Variants in TSHZ2 observed in about 807,000 individuals in gnomAD.
TSHZ2 encodes teashirt zinc finger homeobox 2.
In TSHZ2, 21 loss-of-function variants were observed where a neutral mutation model predicts 74.4. The ratio of observed to expected loss-of-function variants is 0.28; its 90% CI spans 0.20 to 0.41. The LOEUF is 0.41. Ranked by LOEUF, TSHZ2 falls within the 10% of genes least tolerant of loss-of-function variation. The probability of loss-of-function intolerance (pLI) is 1.00; values close to 1 mark genes in which losing one functional copy is unlikely to be tolerated. For synonymous variants in TSHZ2, 540 were observed against 515.3 expected, an observed-to-expected ratio of 1.05 and a Z score of -0.65; for missense variants, 1,244 against 1,293.5, an observed-to-expected ratio of 0.96 and a Z score of 0.59.
At chr20:53,172,024 A>AG (rs1287963736) in intron 1 of TSHZ2, among the ~76,000 whole-genome samples, 3 of 152,206 alleles carry the variant, frequency 2.0e-5, no homozygotes, top group African/African-American at 7.2e-5. Flanking sequence ...GTAACTTACG[A>AG]GGAAAAAAAA....
At chr20:53,394,732 C>G (rs1258456139) in intron 2 of TSHZ2, among the ~76,000 whole-genome samples, 1 of 122,464 alleles carries the variant, frequency 8.2e-6, no homozygotes, top group Non-Finnish European at 1.6e-5. Flanking sequence ...CTCTTGCATT[C>G]AAAGCAAACA....
chr20:53,243,755 G>T (rs1246547092), intron 1 of TSHZ2, among the ~76,000 whole-genome samples: 1 of 151,886 alleles, frequency 6.6e-6, no homozygotes, highest in Admixed American at 6.6e-5. Context: ...CTAAAGTCCA[G>T]CCTGCTTTCT....
intron 1 of TSHZ2, among the ~76,000 whole-genome samples, chr20:53,145,853 A>T (rs1053837274): frequency 6.6e-6 from 1 of 152,202 alleles, no homozygotes; most frequent in Non-Finnish European, 1.5e-5. Context: ...TCTAGCATGG[A>T]TAATTGTGGC....
rs1990439515 is a variant in TSHZ2 at position 53,255,236 on chromosome 20, A to G, written c.1778A>G (p.His593Arg). Residue 593 changes from histidine to arginine, a missense_variant, in exon 2 of 3, where the codon CAC becomes CGC. Transcript: ENST00000371497. This position sits in a 1 kb window ranked among gnomAD's most constrained non-coding sequence, Gnocchi z 4.1. ...KVMPLVSMPT[H>R]LAPYTQVKKE... ...ATGCCACTGGTTTCTATGCCCACAC[A>G]CCTGGCCCCTTACACTCAAGTCAAG... 6.2e-7 allele frequency: 1 copy of G among 1,614,168 alleles called. No homozygotes were observed.
intron 1 of TSHZ2, among the ~76,000 whole-genome samples, chr20:53,039,528 CAAAT>C (rs1393322823): frequency 1.3e-5 from 2 of 152,100 alleles, no homozygotes; most frequent in Non-Finnish European, 2.9e-5. Flanking sequence ...GTGAACAAAA[CAAAT>C]AAAAATCTCT....
intron 2 of TSHZ2, among the ~76,000 whole-genome samples, chr20:53,345,301 G>A (rs955683401): frequency 9.2e-5 from 14 of 152,052 alleles, no homozygotes; most frequent in African/African-American, 3.4e-4. Context: ...TCACAAGGCA[G>A]TCACTGGAAC....
At chr20:53,009,511 T>G (rs2122992921) in intron 1 of TSHZ2, among the ~76,000 whole-genome samples, 1 of 152,312 alleles carries the variant, frequency 6.6e-6, no homozygotes, top group East Asian at 1.9e-4. Flanking sequence ...AATTTAAAAC[T>G]TATGAATTGT....
chr20:53,236,480 A>G (rs1308426053), intron 1 of TSHZ2, among the ~76,000 whole-genome samples: 1 of 152,238 alleles, frequency 6.6e-6, no homozygotes, highest in Admixed American at 6.5e-5. Flanking sequence ...TAGCAGAAAC[A>G]CACGTGCCTC....
chr20:53,294,281 T>C (rs190769088), intron 2 of TSHZ2, among the ~76,000 whole-genome samples: 66 of 152,316 alleles, frequency 4.3e-4, no homozygotes, highest in Non-Finnish European at 7.8e-4. Context: ...AACCTAGCAC[T>C]GTGGTAGACG....
At chr20:52,989,875 T>G (rs1287370781) in intron 1 of TSHZ2, among the ~76,000 whole-genome samples, 1 of 151,872 alleles carries the variant, frequency 6.6e-6, no homozygotes, top group Non-Finnish European at 1.5e-5. Context: ...TTTTTTTAAC[T>G]TTATGTTTGG....
At chr20:53,373,792 AT>A (rs1324617203) in intron 2 of TSHZ2, among the ~76,000 whole-genome samples, 1 of 152,190 alleles carries the variant, frequency 6.6e-6, no homozygotes. Context: ...TAGGGCCAGG[AT>A]CTGAGTGGGC....
intron 1 of TSHZ2, among the ~76,000 whole-genome samples, chr20:52,977,972 C>G (rs1278870813): frequency 6.6e-6 from 1 of 152,102 alleles, no homozygotes; most frequent in South Asian, 2.1e-4. Context: ...TCTTTATCTC[C>G]CAGTTGCCCA....
In TSHZ2 at chr20:53,268,131, G is replaced by A. The variant is rs548902426; in HGVS notation, c.*8+11560G>A. Reference sequence around the variant, plus strand: ...AAGTGTGGATTTGAACTGAAGAATTGCATAAAAAAGGCAGGGGGCGGGCAT... The same window carrying A: ...AAGTGTGGATTTGAACTGAAGAATTACATAAAAAAGGCAGGGGGCGGGCAT... On this transcript the variant is annotated intron_variant, in intron 2 of 2. Transcript: ENST00000371497. Among the ~76,000 whole-genome samples the A allele has an allele frequency of 2.6e-5, 4 of 152,256 alleles. No individual in the cohort carries two copies. The South Asian group carries it at 8.3e-4, about 32-fold the overall frequency.
At chr20:53,101,762 C>G (rs1986224966) in intron 1 of TSHZ2, among the ~76,000 whole-genome samples, 1 of 152,074 alleles carries the variant, frequency 6.6e-6, no homozygotes, top group Non-Finnish European at 1.5e-5. Context: ...ATTTTGGCAA[C>G]ATGAAGGTTC....
intron 1 of TSHZ2, among the ~76,000 whole-genome samples, chr20:53,064,658 T>A (rs1329255083): frequency 7.2e-6 from 1 of 138,066 alleles, no homozygotes; most frequent in Non-Finnish European, 1.5e-5. Flanking sequence ...AATAACTTTT[T>A]AAATAAATAA....
intron 1 of TSHZ2, among the ~76,000 whole-genome samples, chr20:53,034,616 GCTC>G (rs935611150): frequency 1.3e-5 from 2 of 152,198 alleles, no homozygotes; most frequent in African/African-American, 4.8e-5. Context: ...ATCAAGAAAA[GCTC>G]CTTTGAGGAA....
chr20:53,097,599 A>G (rs1378898075), intron 1 of TSHZ2: 1 of 152,240 alleles, frequency 6.6e-6, no homozygotes, highest in African/African-American at 2.4e-5. Flanking sequence ...TCATTGCTCC[A>G]AACCTTGGCC....
intron 2 of TSHZ2, among the ~76,000 whole-genome samples, chr20:53,296,378 A>C (rs368802685): frequency 6.6e-6 from 1 of 152,210 alleles, no homozygotes; most frequent in Non-Finnish European, 1.5e-5. Context: ...AATCTATCCT[A>C]TTGCATGATC....
intron 1 of TSHZ2, among the ~76,000 whole-genome samples, chr20:52,999,414 G>A (rs1982327573): frequency 6.6e-6 from 1 of 152,170 alleles, no homozygotes; most frequent in Non-Finnish European, 1.5e-5. Flanking sequence ...GAGGGAAGGG[G>A]GCTATAAACC....
Sources: gnomAD v4.1 joint callset for allele counts (sites outside exome capture counted in the v4.1 genomes callset) on GRCh38, gnomAD v4.1.1 for gene constraint, Gnocchi (gnomAD v3.1) non-coding constraint, MANE v1.5 for transcripts, NCBI Gene and HGNC (gene_info 2026-07-23, HGNC 2026-07-21) for gene names.